The following NPY2R variants were observed in gnomAD, a reference collection of about 807,000 sequenced individuals.
The protein encoded by NPY2R is neuropeptide Y receptor Y2.
A neutral mutation model predicts 22.3 loss-of-function variants in NPY2R; 17 were observed. The ratio of observed to expected loss-of-function variants is 0.76; its 90% CI spans 0.52 to 1.14. NPY2R has a LOEUF of 1.14. NPY2R is among the 50% of genes most tolerant of loss of function. NPY2R has a pLI of 0.00. For missense variants in NPY2R, 424 were observed against 467.9 expected, an observed-to-expected ratio of 0.91 and a Z score of 0.87; for synonymous variants, 209 against 183.4, an observed-to-expected ratio of 1.14 and a Z score of -1.13.
chr4:155,174,484 A>ATATATATATATATTTTTTT, the NPY2R span, among the ~76,000 whole-genome samples: 9 of 106,068 alleles, frequency 8.5e-5, no homozygotes, highest in Admixed American at 5.7e-4. Context: ...ATATATATAT[A>ATATATATATATATTTTTTT]TTTTTTTTTT....
At chr4:155,210,996 G>C (rs1729393134) in intron 1 of NPY2R, among the ~76,000 whole-genome samples, 1 of 151,898 alleles carries the variant, frequency 6.6e-6, no homozygotes. Context: ...TTTTGTATAA[G>C]CAGTTATCTG....
At chr4:155,189,705 A>C in the NPY2R span, among the ~76,000 whole-genome samples, 3 of 151,976 alleles carry the variant, frequency 2.0e-5, no homozygotes, top group African/African-American at 7.2e-5. Flanking sequence ...CTAGTTGCTT[A>C]TAAAATGCCA....
At chr4:155,189,354 A>C in the NPY2R span, among the ~76,000 whole-genome samples, 1 of 152,046 alleles carries the variant, frequency 6.6e-6, no homozygotes, top group Non-Finnish European at 1.5e-5. Flanking sequence ...AGCAGTAACT[A>C]CATCTCCATG....
chr4:155,176,921 G>A, the NPY2R span, among the ~76,000 whole-genome samples: 1,169 of 152,192 alleles, frequency 7.7e-3, 18 homozygotes, highest in African/African-American at 0.027. Context: ...TTCCCATGGC[G>A]GAAGAGCAGA....
chr4:155,191,159 G>A, the NPY2R span, among the ~76,000 whole-genome samples: 1 of 151,828 alleles, frequency 6.6e-6, no homozygotes, highest in East Asian at 1.9e-4. Flanking sequence ...AATAGAAAGA[G>A]GTGAAGAAGA....
In NPY2R at chr4:155,214,577, G is replaced by A. The variant is rs766842469; in HGVS notation, c.638G>A (p.Ser213Asn). ...GAAAAGTGGCCTGGCGAGGAGAAGA[G>A]CATCTATGGCACTGTCTATAGTCTT... ...CTEKWPGEEK[S>N]IYGTVYSLSS... The change falls in exon 2 of 2, where the codon AGC (serine) becomes AAC (asparagine). Residue 213 changes from serine (S) to asparagine (N), a missense_variant. Physicochemically the swap from Ser to Asn is conservative, Grantham distance 46. Transcript: ENST00000329476. 3.7e-6 allele frequency: 6 copies of A among 1,614,210 alleles called. No individual in the cohort carries two copies. The Admixed American group carries it at 8.3e-5, about 22-fold the overall frequency.
At position 155,214,750 on chromosome 4, in the gene NPY2R, G is replaced by T. The variant is rs369993579; in HGVS notation, c.811G>T (p.Val271Leu). The T allele has an allele frequency of 1.4e-5, 23 of 1,614,066 alleles. No individual in the cohort carries two copies. Among genetic ancestry groups the T allele is most frequent in the Non-Finnish European group, 1.7e-5 (20 of 1,180,030 alleles). The change falls in exon 2 of 2, where the codon GTG becomes TTG. Residue 271 changes from valine (V) to leucine (L), a missense_variant. Val to Leu is a conservative substitution (Grantham distance 32, BLOSUM62 1). Coordinates refer to ENST00000329476, the MANE Select transcript of NPY2R (RefSeq NM_000910.4). ...QRRQKTTKML[V>L]CVVVVFAVSW... The stretch of plus-strand genomic sequence containing the variant: ...AAGGCAAAAAACCACCAAAATGCTG[G>T]TGTGTGTGGTGGTGGTGTTTGCGGT...
chr4:155,215,070 G>T lies in NPY2R; in HGVS notation c.1131G>T (p.Glu377Asp). 2.5e-6 allele frequency: 4 copies of T among 1,612,894 alleles called. No homozygotes were observed. The highest frequency in any genetic ancestry group is 3.4e-6 in the Non-Finnish European group (4 of 1,179,972). The change falls in exon 2 of 2, where the codon GAG becomes GAT. Residue 377 changes from glutamate to aspartate, a missense_variant. By Grantham distance (45) the Glu-to-Asp change is conservative. Transcript: ENST00000329476. The part of the protein sequence containing the change: ...KNSGPNDSFT[E>D]ATNV ...GTGGCCCCAATGACTCTTTCACAGAGGCTACCAATGTCTAAGGAAGCTGTG... is the reference window on the plus strand; with the variant it reads ...GTGGCCCCAATGACTCTTTCACAGATGCTACCAATGTCTAAGGAAGCTGTG...
At chr4:155,176,552 A>G in the NPY2R span, among the ~76,000 whole-genome samples, 1 of 152,096 alleles carries the variant, frequency 6.6e-6, no homozygotes, top group Non-Finnish European at 1.5e-5. Flanking sequence ...TTAGGTGGTT[A>G]CCCTACCTGA....
At chr4:155,179,738 A>G in the NPY2R span, among the ~76,000 whole-genome samples, 37 of 152,294 alleles carry the variant, frequency 2.4e-4, no homozygotes, top group African/African-American at 8.9e-4. Context: ...CCCCATGCAG[A>G]TTTTGTAGCC....
the NPY2R span, among the ~76,000 whole-genome samples, chr4:155,174,986 A>G: frequency 9.8e-4 from 149 of 152,118 alleles, no homozygotes; most frequent in Non-Finnish European, 1.8e-3. Flanking sequence ...AAAATTTTAA[A>G]ATCTTTAAAA....
chr4:155,189,166 C>A, the NPY2R span, among the ~76,000 whole-genome samples: 1 of 152,134 alleles, frequency 6.6e-6, no homozygotes, highest in East Asian at 1.9e-4. Context: ...TCAGAAATGA[C>A]CACACTTTTT....
the NPY2R span, among the ~76,000 whole-genome samples, chr4:155,180,373 G>A: frequency 6.6e-6 from 1 of 152,134 alleles, no homozygotes; most frequent in Non-Finnish European, 1.5e-5. Context: ...ACATCCACTT[G>A]TCATGAAAAT....
chr4:155,182,769 G>A, the NPY2R span, among the ~76,000 whole-genome samples: 11 of 152,094 alleles, frequency 7.2e-5, no homozygotes, highest in Non-Finnish European at 1.3e-4. Context: ...CAAGCTCTCT[G>A]TCATGAGCTG....
the NPY2R span, among the ~76,000 whole-genome samples, chr4:155,183,707 G>T: frequency 1.3e-5 from 2 of 152,146 alleles, no homozygotes; most frequent in African/African-American, 2.4e-5. Context: ...GGAACCACTG[G>T]AATGCTTGCT....
the NPY2R span, among the ~76,000 whole-genome samples, chr4:155,187,944 A>G: frequency 1.2e-3 from 182 of 152,290 alleles, no homozygotes; most frequent in African/African-American, 3.9e-3. Flanking sequence ...ACCTAAGTCT[A>G]GGACTTTTAA....
chr4:155,213,174 T>G (rs938696316), intron 1 of NPY2R, among the ~76,000 whole-genome samples: 1 of 152,122 alleles, frequency 6.6e-6, no homozygotes, highest in Admixed American at 6.5e-5. Flanking sequence ...AACTACATAT[T>G]GGGTACAAGG....
rs1302019932 is a variant in NPY2R, at chr4:155,211,757, A to C, written c.-48-2135A>C. Among the ~76,000 whole-genome samples, 3 of 152,220 alleles carry C rather than the reference A, an allele frequency of 2.0e-5. No individual in the cohort carries two copies. In the East Asian group the frequency reaches 5.8e-4, roughly 29 times the overall value. ...TACCTAGGGATTACCAAGAGCAGGA[A>C]GTCATTACTGCCTCCAGCTGGATGG... On this transcript the variant is annotated intron_variant, in intron 1 of 1. Coordinates refer to ENST00000329476, the MANE Select transcript of NPY2R (RefSeq NM_000910.4).
the NPY2R span, chr4:155,173,842 T>C: frequency 2.0e-5 from 3 of 152,162 alleles, no homozygotes; most frequent in East Asian, 5.8e-4. Flanking sequence ...TCTTTTAGTT[T>C]TGATTAATTT....
Sources: gnomAD v4.1 joint callset for allele counts (sites outside exome capture counted in the v4.1 genomes callset) on GRCh38, gnomAD v4.1.1 for gene constraint, MANE v1.5 for transcripts, NCBI Gene and HGNC (gene_info 2026-07-23, HGNC 2026-07-21) for gene names.